The following ADRB1 variants were observed in gnomAD, a reference collection of about 807,000 sequenced individuals.
The protein encoded by ADRB1 is adrenoceptor beta 1.
For missense variants in ADRB1, 635 were observed against 709.1 expected (o/e 0.90, Z 1.19); for synonymous variants, 365 against 347.2 (o/e 1.05, Z -0.57).
chr10:114,045,198 G>T lies in ADRB1; in HGVS notation c.1066G>T (p.Asp356Tyr). 1.3e-6 allele frequency: 2 copies of T among 1,597,846 alleles called. No homozygotes were observed. The highest frequency in any genetic ancestry group is 4.6e-5 in the East Asian group (2 of 43,914). ...VKAFHRELVPDRLFVFFNWLG... is the reference protein window; with the variant it reads ...VKAFHRELVPYRLFVFFNWLG... The stretch of plus-strand genomic sequence containing the variant: ...GGCCTTCCACCGCGAGCTGGTGCCC[G>T]ACCGCCTCTTCGTCTTCTTCAACTG... The change falls in exon 1 of 1, where the codon GAC (aspartate) becomes TAC (tyrosine). Residue 356 changes from aspartate (D) to tyrosine (Y), a missense_variant. Physicochemically the swap from Asp to Tyr is radical, Grantham distance 160. Transcript: ENST00000369295.
chr10:114,044,477 G>C lies in ADRB1; in HGVS notation c.345G>C (p.Gly115=). ...TGGGGCTGCTGGTGGTGCCGTTCGGGGCCACCATCGTGGTGTGGGGCCGCT... is the reference window on the plus strand; with the variant it reads ...TGGGGCTGCTGGTGGTGCCGTTCGGCGCCACCATCGTGGTGTGGGGCCGCT... ...LVMGLLVVPF[G]ATIVVWGRWE... The change falls in exon 1 of 1, where the codon GGG becomes GGC. Residue 115 remains glycine, a synonymous_variant. Transcript: ENST00000369295. This position sits in a 1 kb window ranked among gnomAD's most constrained non-coding sequence, Gnocchi z 7.8. The C allele has an allele frequency of 3.7e-6, 6 of 1,613,494 alleles. No homozygotes were observed. The highest frequency in any genetic ancestry group is 4.2e-6 in the Non-Finnish European group (5 of 1,179,954).
In ADRB1 at chr10:114,045,548, C is replaced by T; in HGVS notation, c.1416C>T (p.Ala472=). The part of the protein sequence containing the change: ...SLDEPCRPGF[A]SESKV ...ACGAGCCGTGCCGCCCCGGCTTCGC[C>T]TCGGAATCCAAGGTGTAGGGCCCGG... The change falls in exon 1 of 1, where the codon GCC becomes GCT. Residue 472 remains alanine, a synonymous_variant. Transcript: ENST00000369295. 11 of 1,309,462 alleles carry T rather than the reference C, an allele frequency of 8.4e-6. No homozygotes were observed. The highest frequency in any genetic ancestry group is 1.1e-5 in the Non-Finnish European group (11 of 1,025,244). 81.1% of individuals were successfully genotyped at this position (1,309,462 alleles called of 1,614,324 possible). A position where few individuals can be genotyped will look rare whatever the true frequency, so the allele number is the denominator to read the frequency against.
chr10:114,044,825 C>T lies in ADRB1; in HGVS notation c.693C>T (p.Val231=). The change falls in exon 1 of 1, where the codon GTC becomes GTT. Residue 231 remains valine (V), a synonymous_variant. Coordinates refer to ENST00000369295, the MANE Select transcript of ADRB1 (RefSeq NM_000684.3). This position sits in a 1 kb window ranked among gnomAD's most constrained non-coding sequence, Gnocchi z 7.8. Reference sequence around the variant, plus strand: ...CCTACGCCATCGCCTCGTCCGTAGTCTCCTTCTACGTGCCCCTGTGCATCA... The same window carrying T: ...CCTACGCCATCGCCTCGTCCGTAGTTTCCTTCTACGTGCCCCTGTGCATCA... ...NRAYAIASSV[V]SFYVPLCIMA... 6.2e-7 allele frequency: 1 copy of T among 1,613,926 alleles called. No homozygotes were observed. The highest frequency in any genetic ancestry group is 1.1e-5 in the South Asian group (1 of 91,092).
At position 114,044,243 on chromosome 10, in the gene ADRB1, G is replaced by A. The variant is rs913532543; in HGVS notation, c.111G>A (p.Ser37=). 4 of 1,458,030 alleles carry A rather than the reference G, an allele frequency of 2.7e-6. No individual in the cohort carries two copies. The highest frequency in any genetic ancestry group is 2.7e-5 in the South Asian group (2 of 73,460). The allele number at this position is 1,458,030 out of a possible 1,614,324, so 90.3% of individuals were successfully genotyped here. ...ATAARLLVPA[S]PPASLLPPAS... Reference sequence around the variant, plus strand: ...CGGCGCGGCTGCTGGTGCCCGCGTCGCCGCCCGCCTCGTTGCTGCCTCCCG... The same window carrying A: ...CGGCGCGGCTGCTGGTGCCCGCGTCACCGCCCGCCTCGTTGCTGCCTCCCG... The change falls in exon 1 of 1, where the codon TCG becomes TCA. Residue 37 remains serine, a synonymous_variant. Transcript: ENST00000369295. The surrounding 1 kb of genome is among the most constrained non-coding windows in gnomAD (Gnocchi z 7.8).
chr10:114,045,667 C>A lies in ADRB1; in HGVS notation c.*101C>A. 1 of 1,128,110 alleles carries A rather than the reference C, an allele frequency of 8.9e-7. No individual in the cohort carries two copies. The highest frequency in any genetic ancestry group is 1.1e-6 in the Non-Finnish European group (1 of 881,586). 69.9% of individuals were successfully genotyped at this position (1,128,110 alleles called of 1,614,324 possible). A position where few individuals can be genotyped will look rare whatever the true frequency, so the allele number is the denominator to read the frequency against. ...AGCAGGTGAACTCGAAGCCCACAAT[C>A]CTCGTCTGAATCATCCGAGGCAAAG... On this transcript the variant is annotated 3_prime_UTR_variant, in exon 1 of 1. Transcript: ENST00000369295.
At position 114,045,551 on chromosome 10, in the gene ADRB1, G is replaced by A. The variant is rs1424983084; in HGVS notation, c.1419G>A (p.Ser473=). The change falls in exon 1 of 1, where the codon TCG becomes TCA. Residue 473 remains serine (S), a synonymous_variant. Transcript: ENST00000369295. ...LDEPCRPGFA[S]ESKV is the part of the protein sequence containing the mutation. ...AGCCGTGCCGCCCCGGCTTCGCCTC[G>A]GAATCCAAGGTGTAGGGCCCGGCGC... is the stretch of plus-strand genomic sequence containing the variant. The A allele has an allele frequency of 1.5e-6, 2 of 1,308,122 alleles. No individual in the cohort carries two copies. The highest frequency in any genetic ancestry group is 2.0e-6 in the Non-Finnish European group (2 of 1,024,644). 81.0% of individuals were successfully genotyped at this position (1,308,122 alleles called of 1,614,324 possible).
chr10:114,045,712 G>A lies in ADRB1; in HGVS notation c.*146G>A. ...GCAAAGAGAAAAGCCACGGACCGTT[G>A]CACAAAAAGGAAAGTTTGGGAAGGG... On this transcript the variant is annotated 3_prime_UTR_variant, in exon 1 of 1. Coordinates refer to ENST00000369295, the MANE Select transcript of ADRB1 (RefSeq NM_000684.3). 1.2e-6 allele frequency: 1 copy of A among 804,968 alleles called. No individual in the cohort carries two copies. The highest frequency in any genetic ancestry group is 1.7e-6 in the Non-Finnish European group (1 of 590,422). 49.9% of individuals were successfully genotyped at this position (804,968 alleles called of 1,614,324 possible).
Position 114,046,640 on chromosome 10 carries a change from T to C in ADRB1, c.*1074T>C, listed in dbSNP as rs1441126726. On this transcript the variant is annotated 3_prime_UTR_variant, in exon 1 of 1. Transcript: ENST00000369295. Reference sequence around the variant, plus strand: ...TCTACTTCTGTTGTCTAGTATGTTATTGAGCTAATGATTCATTGGGAAAAT... The same window carrying C: ...TCTACTTCTGTTGTCTAGTATGTTACTGAGCTAATGATTCATTGGGAAAAT... The C allele has an allele frequency of 6.0e-6, 1 of 167,136 alleles. No homozygotes were observed. The highest frequency in any genetic ancestry group is 2.4e-5 in the African/African-American group (1 of 41,478). The allele number at this position is 167,136 out of a possible 1,614,324, so 10.4% of individuals were successfully genotyped here.
Position 114,043,933 on chromosome 10 carries a change from GGCGGCGGCGGCA to G in ADRB1, c.-194_-183del. The G allele has an allele frequency of 3.9e-6, 1 of 258,948 alleles. No individual in the cohort carries two copies. The highest frequency in any genetic ancestry group is 6.7e-6 in the Non-Finnish European group (1 of 149,020). 16.0% of individuals were successfully genotyped at this position (258,948 alleles called of 1,614,324 possible). A position where few individuals can be genotyped will look rare whatever the true frequency, so the allele number is the denominator to read the frequency against. On this transcript the variant is annotated 5_prime_UTR_variant, in exon 1 of 1. Coordinates refer to ENST00000369295, the MANE Select transcript of ADRB1 (RefSeq NM_000684.3). ...CGGCTCCAGCAGCAGCGGCGGCGGC[GGCGGCGGCGGCA>G]GCGGCAGCGACAGCGCTCGGCTCCT...
rs776386195 is a variant in ADRB1, at chr10:114,044,804, C to T, written c.672C>T (p.Tyr224=). The T allele has an allele frequency of 7.4e-6, 12 of 1,613,714 alleles. No homozygotes were observed. Among genetic ancestry groups the T allele is most frequent in the South Asian group, 2.2e-5 (2 of 91,090 alleles). The stretch of plus-strand genomic sequence containing the variant: ...GCGACTTCGTCACCAACCGGGCCTA[C>T]GCCATCGCCTCGTCCGTAGTCTCCT... ...KCCDFVTNRA[Y]AIASSVVSFY... Residue 224 remains tyrosine, a synonymous_variant, in exon 1 of 1, where the codon TAC becomes TAT. Transcript: ENST00000369295. This position sits in a 1 kb window ranked among gnomAD's most constrained non-coding sequence, Gnocchi z 7.8.
chr10:114,044,774 G>A lies in ADRB1; in HGVS notation c.642G>A (p.Lys214=). The change falls in exon 1 of 1, where the codon AAG becomes AAA. Residue 214 remains lysine, a synonymous_variant. Coordinates refer to ENST00000369295, the MANE Select transcript of ADRB1 (RefSeq NM_000684.3). The surrounding 1 kb of genome is among the most constrained non-coding windows in gnomAD (Gnocchi z 7.8). ...CGCGCCGCTGCTACAACGACCCCAA[G>A]TGCTGCGACTTCGTCACCAACCGGG... ...DEARRCYNDP[K]CCDFVTNRAY... is the part of the protein sequence containing the mutation. The A allele has an allele frequency of 6.2e-7, 1 of 1,613,510 alleles. No homozygotes were observed. Among genetic ancestry groups the A allele is most frequent in the Non-Finnish European group, 8.5e-7 (1 of 1,179,924 alleles).
chr10:114,044,999 C>T lies in ADRB1; in HGVS notation c.867C>T (p.Pro289=). 1 of 1,079,676 alleles carries T rather than the reference C, an allele frequency of 9.3e-7. No individual in the cohort carries two copies. Among genetic ancestry groups the T allele is most frequent in the South Asian group, 4.3e-5 (1 of 23,102 alleles). 66.9% of individuals were successfully genotyped at this position (1,079,676 alleles called of 1,614,324 possible). The part of the protein sequence containing the change: ...PVPAPAPPPG[P]PRPAAAAATA... The stretch of plus-strand genomic sequence containing the variant: ...CCGCGCCCGCGCCGCCGCCCGGACC[C>T]CCGCGCCCCGCCGCCGCCGCCGCCA... Residue 289 remains proline (P), a synonymous_variant, in exon 1 of 1, where the codon CCC becomes CCT. Coordinates refer to ENST00000369295, the MANE Select transcript of ADRB1 (RefSeq NM_000684.3). The surrounding 1 kb of genome is among the most constrained non-coding windows in gnomAD (Gnocchi z 7.8).
rs1465474977 is a variant in ADRB1 at position 114,045,260 on chromosome 10, C to T, written c.1128C>T (p.Ile376=). 1 of 1,595,012 alleles carries T rather than the reference C, an allele frequency of 6.3e-7. No individual in the cohort carries two copies. Residue 376 remains isoleucine, a synonymous_variant, in exon 1 of 1, where the codon ATC becomes ATT. Transcript: ENST00000369295. ...GYANSAFNPI[I]YCRSPDFRKA... Reference sequence around the variant, plus strand: ...CCAACTCGGCCTTCAACCCCATCATCTACTGCCGCAGCCCCGACTTCCGCA... The same window carrying T: ...CCAACTCGGCCTTCAACCCCATCATTTACTGCCGCAGCCCCGACTTCCGCA...
In ADRB1 at chr10:114,044,525, C is replaced by A. The variant is rs201111934; in HGVS notation, c.393C>A (p.Cys131Ter). ...GCTGGGAGTACGGCTCCTTCTTCTG[C>A]GAGCTGTGGACCTCAGTGGACGTGC... is the stretch of plus-strand genomic sequence containing the variant. ...WGRWEYGSFFCELWTSVDVLC... is the reference protein window; with the variant it reads ...WGRWEYGSFF The change falls in exon 1 of 1, where the codon TGC (cysteine) becomes TGA (stop). Residue 131 changes from cysteine (C) to a stop codon, truncating the protein, a stop_gained. Coordinates refer to ENST00000369295, the MANE Select transcript of ADRB1 (RefSeq NM_000684.3). LOFTEE classifies it low-confidence loss of function (END_TRUNC). This position sits in a 1 kb window ranked among gnomAD's most constrained non-coding sequence, Gnocchi z 7.8. 2.5e-6 allele frequency: 4 copies of A among 1,613,750 alleles called. No homozygotes were observed. The highest frequency in any genetic ancestry group is 3.4e-6 in the Non-Finnish European group (4 of 1,179,980).
Position 114,045,271 on chromosome 10 carries a change from G to A in ADRB1, c.1139G>A (p.Ser380Asn). Reference protein sequence around the residue: ...SAFNPIIYCRSPDFRKAFQGL... With the variant: ...SAFNPIIYCRNPDFRKAFQGL... ...TTCAACCCCATCATCTACTGCCGCA[G>A]CCCCGACTTCCGCAAGGCCTTCCAG... Residue 380 changes from serine to asparagine, a missense_variant, in exon 1 of 1, where the codon AGC becomes AAC. Physicochemically the swap from Ser to Asn is conservative, Grantham distance 46. Coordinates refer to ENST00000369295, the MANE Select transcript of ADRB1 (RefSeq NM_000684.3). 1.3e-6 allele frequency: 2 copies of A among 1,591,400 alleles called. No individual in the cohort carries two copies. The highest frequency in any genetic ancestry group is 1.7e-6 in the Non-Finnish European group (2 of 1,168,792).
At position 114,045,198 on chromosome 10, in the gene ADRB1, G is replaced by A. The variant is rs1298118358; in HGVS notation, c.1066G>A (p.Asp356Asn). 2 of 1,597,844 alleles carry A rather than the reference G, an allele frequency of 1.3e-6. No individual in the cohort carries two copies. Among genetic ancestry groups the A allele is most frequent in the African/African-American group, 1.3e-5 (1 of 74,208 alleles). The change falls in exon 1 of 1, where the codon GAC becomes AAC. Residue 356 changes from aspartate to asparagine, a missense_variant. By Grantham distance (23) the Asp-to-Asn change is conservative (BLOSUM62 1). Transcript: ENST00000369295. ...VKAFHRELVPDRLFVFFNWLG... is the reference protein window; with the variant it reads ...VKAFHRELVPNRLFVFFNWLG... ...GGCCTTCCACCGCGAGCTGGTGCCC[G>A]ACCGCCTCTTCGTCTTCTTCAACTG...
At position 114,044,108 on chromosome 10, in the gene ADRB1, C is replaced by G; in HGVS notation, c.-25C>G. The G allele has an allele frequency of 8.0e-7, 1 of 1,252,824 alleles. No individual in the cohort carries two copies. Among genetic ancestry groups the G allele is most frequent in the Non-Finnish European group, 1.0e-6 (1 of 1,003,668 alleles). The allele number at this position is 1,252,824 out of a possible 1,614,324, so 77.6% of individuals were successfully genotyped here. On this transcript the variant is annotated 5_prime_UTR_variant, in exon 1 of 1. Coordinates refer to ENST00000369295, the MANE Select transcript of ADRB1 (RefSeq NM_000684.3). The surrounding 1 kb of genome is among the most constrained non-coding windows in gnomAD (Gnocchi z 7.8). ...CCACGGCCCAGCCCTGCCACACCCC[C>G]CGCCCCCGGCCTCCGCAGCTCGGCA...
At position 114,045,072 on chromosome 10, in the gene ADRB1, C is replaced by A; in HGVS notation, c.940C>A (p.Leu314Ile). The A allele has an allele frequency of 6.9e-7, 1 of 1,445,698 alleles. No homozygotes were observed. Among genetic ancestry groups the A allele is most frequent in the Non-Finnish European group, 9.2e-7 (1 of 1,092,540 alleles). 89.6% of individuals were successfully genotyped at this position (1,445,698 alleles called of 1,614,324 possible). A position where few individuals can be genotyped will look rare whatever the true frequency, so the allele number is the denominator to read the frequency against. Residue 314 changes from leucine (L) to isoleucine (I), a missense_variant, in exon 1 of 1, where the codon CTC becomes ATC. By Grantham distance (5) the Leu-to-Ile change is conservative. Coordinates refer to ENST00000369295, the MANE Select transcript of ADRB1 (RefSeq NM_000684.3). ...GRAGKRRPSR[L>I]VALREQKALK... ...TGCGGGTAAGCGGCGGCCCTCGCGC[C>A]TCGTGGCCCTGCGCGAGCAGAAGGC...
At position 114,045,514 on chromosome 10, in the gene ADRB1, C is replaced by G. The variant is rs1049589908; in HGVS notation, c.1382C>G (p.Ser461Trp). ...CNGGAAADSDSSLDEPCRPGF... is the reference protein window; with the variant it reads ...CNGGAAADSDWSLDEPCRPGF... ...GGCGGGGCGGCGGCGGACAGCGACT[C>G]GAGCCTGGACGAGCCGTGCCGCCCC... is the stretch of plus-strand genomic sequence containing the variant. Residue 461 changes from serine (S) to tryptophan (W), a missense_variant, in exon 1 of 1, where the codon TCG becomes TGG. By Grantham distance (177) the Ser-to-Trp change is radical. Transcript: ENST00000369295. 2 of 1,296,446 alleles carry G rather than the reference C, an allele frequency of 1.5e-6. No individual in the cohort carries two copies. The highest frequency in any genetic ancestry group is 2.0e-6 in the Non-Finnish European group (2 of 1,019,702). The allele number at this position is 1,296,446 out of a possible 1,614,324, so 80.3% of individuals were successfully genotyped here.
Sources: gnomAD v4.1 joint callset for allele counts on GRCh38, gnomAD v4.1.1 for gene constraint, Gnocchi (gnomAD v3.1) non-coding constraint, MANE v1.5 for transcripts, NCBI Gene and HGNC (gene_info 2026-07-23, HGNC 2026-07-21) for gene names.